Variants in LMLN observed in about 807,000 individuals in gnomAD.
LMLN encodes leishmanolysin like peptidase.
Under a neutral mutation model 92.3 loss-of-function variants are expected in LMLN, and 70 were observed. The observed-to-expected ratio is 0.76, with a 90% CI of 0.63 to 0.92. The LOEUF is 0.92. LMLN is among the 40% of genes least tolerant of loss of function. The probability of loss-of-function intolerance (pLI) is 0.00; values close to 1 mark genes in which losing one functional copy is unlikely to be tolerated. For synonymous variants in LMLN, 308 were observed against 296.2 expected, an observed-to-expected ratio of 1.04 and a Z score of -0.41; for missense variants, 691 against 814.6, an observed-to-expected ratio of 0.85 and a Z score of 1.85.
exon 16 of LMLN, chr3:198,041,693 G>A (rs948325384): frequency 1.3e-5 from 2 of 152,152 alleles, no homozygotes; most frequent in African/African-American, 2.4e-5. Flanking sequence ...TCAAAGCAAA[G>A]AGTCTATTTT....
At chr3:198,000,870 G>T (rs1451108394) in intron 11 of LMLN, among the ~76,000 whole-genome samples, 1 of 152,074 alleles carries the variant, frequency 6.6e-6, no homozygotes, top group Non-Finnish European at 1.5e-5. Flanking sequence ...TACTTACCCT[G>T]ACCACCTACA....
intron 11 of LMLN, among the ~76,000 whole-genome samples, chr3:198,014,696 C>T (rs1384642762): frequency 2.1e-5 from 3 of 144,566 alleles, no homozygotes; most frequent in African/African-American, 7.9e-5. Context: ...TCCTTCAGAG[C>T]CCCCTAACTA....
intron 14 of LMLN, among the ~76,000 whole-genome samples, chr3:198,028,133 G>A (rs1006850865): frequency 6.6e-6 from 1 of 152,018 alleles, no homozygotes; most frequent in Non-Finnish European, 1.5e-5. Flanking sequence ...GGCATTTTTG[G>A]TACAATCGAT....
chr3:198,002,479 T>TATAGATAGATG (rs2109904226), intron 11 of LMLN, among the ~76,000 whole-genome samples: 1 of 152,342 alleles, frequency 6.6e-6, no homozygotes, highest in East Asian at 1.9e-4. Flanking sequence ...GGCTCATACC[T>TATAGATAGATG]GCAATCCCAG....
intron 11 of LMLN, among the ~76,000 whole-genome samples, chr3:198,015,585 C>G (rs1160761561): frequency 1.4e-5 from 2 of 138,196 alleles, no homozygotes; most frequent in Non-Finnish European, 3.1e-5. Context: ...CCTTCAGAGC[C>G]CCCTAACTAG....
chr3:197,962,027 A>G (rs1472968911), intron 1 of LMLN, among the ~76,000 whole-genome samples: 2 of 152,104 alleles, frequency 1.3e-5, no homozygotes, highest in Non-Finnish European at 2.9e-5. Flanking sequence ...AAATTTACAT[A>G]TATTGAAATG....
At chr3:198,005,202 A>G (rs1343801004) in intron 11 of LMLN, among the ~76,000 whole-genome samples, 1 of 13,400 alleles carries the variant, frequency 7.5e-5, no homozygotes, top group African/African-American at 3.4e-4. Context: ...TATATCATCT[A>G]TACAGATACA....
chr3:197,973,386 C>T lies in LMLN; in HGVS notation c.220-991C>T, dbSNP rs575889776. ...CCTCCCAAGTAGCTGGGACTACAGG[C>T]GCCTGCCACCATGCCCGGCTAATTT... On this transcript the variant is annotated intron_variant, in intron 1 of 15. Transcript: ENST00000330198. Among the ~76,000 whole-genome samples the T allele has an allele frequency of 6.6e-5, 10 of 152,056 alleles. No individual in the cohort carries two copies. The South Asian group carries it at 1.2e-3, about 19-fold the overall frequency.
Position 198,031,877 on chromosome 3 carries a change from G to A in LMLN, c.1657-3956G>A, listed in dbSNP as rs970369670. On this transcript the variant is annotated intron_variant, in intron 14 of 15. Transcript: ENST00000330198. This position sits in a 1 kb window ranked among gnomAD's most constrained non-coding sequence, Gnocchi z 4.8. ...AGCACTTTGGGAGCCCGAGACAGGC[G>A]GATCACTTGAGGTCAAGAGTTTGAA... 2.6e-5 allele frequency among the ~76,000 whole-genome samples: 4 copies of A among 151,960 alleles called. No homozygotes were observed. Among genetic ancestry groups the A allele is most frequent in the East Asian group, 1.9e-4 (1 of 5,184 alleles).
rs750549231 is a variant in LMLN, at chr3:197,985,784, T to C, written c.835-12T>C. On this transcript the variant is annotated splice_polypyrimidine_tract_variant and intron_variant, in intron 7 of 15. Coordinates refer to ENST00000330198, the Ensembl canonical transcript of LMLN. ...TTTTTCACTTGAAGACATTTTGAAC[T>C]TTTTCTTACAGGGTTTCTCTGCTGG... The C allele has an allele frequency of 1.3e-6, 2 of 1,598,554 alleles. No individual in the cohort carries two copies. The highest frequency in any genetic ancestry group is 1.7e-5 in the Admixed American group (1 of 59,960).
intron 1 of LMLN, among the ~76,000 whole-genome samples, chr3:197,968,826 A>G (rs1721135295): frequency 1.3e-5 from 2 of 152,220 alleles, no homozygotes; most frequent in African/African-American, 4.8e-5. Flanking sequence ...TAATTAAGCC[A>G]TCTCAGTCTG....
At chr3:198,027,287 C>T (rs928166630) in intron 14 of LMLN, among the ~76,000 whole-genome samples, 4 of 151,926 alleles carry the variant, frequency 2.6e-5, no homozygotes, top group Non-Finnish European at 5.9e-5. Context: ...TACCTTGCCT[C>T]ACTTAACGGC....
chr3:197,975,625 TA>T (rs1721351154), intron 3 of LMLN, among the ~76,000 whole-genome samples: 1 of 152,240 alleles, frequency 6.6e-6, no homozygotes, highest in Admixed American at 6.5e-5. Context: ...TAAACTATCT[TA>T]GTGTTGGAAT....
intron 7 of LMLN, 81 bp from the exon 8 acceptor site, chr3:197,985,715 A>G (rs1721687773): frequency 2.3e-6 from 2 of 874,006 alleles, no homozygotes; most frequent in African/African-American, 1.7e-5. Flanking sequence ...TCCCGTTAGT[A>G]TCAGTGCTCT....
At chr3:198,037,371 A>G (rs1045426235) in intron 15 of LMLN, among the ~76,000 whole-genome samples, 8 of 152,224 alleles carry the variant, frequency 5.3e-5, no homozygotes, top group African/African-American at 1.2e-4. Flanking sequence ...TGCAGTTACA[A>G]TCATAATGAC....
chr3:197,981,514 C>A (rs1269056509), intron 6 of LMLN, among the ~76,000 whole-genome samples: 1 of 152,220 alleles, frequency 6.6e-6, no homozygotes, highest in Admixed American at 6.5e-5. Context: ...AATGACTGTT[C>A]ATCTAATTGT....
At chr3:197,996,137 G>T (rs1382731214) in intron 9 of LMLN, 38 bp from the exon 10 acceptor site, 6 of 1,216,146 alleles carry the variant, frequency 4.9e-6, no homozygotes, top group African/African-American at 1.6e-5. Context: ...CGGTACTTTT[G>T]TACCATATTT....
At chr3:198,016,209 A>C (rs1355642251) in intron 11 of LMLN, among the ~76,000 whole-genome samples, 1 of 151,994 alleles carries the variant, frequency 6.6e-6, no homozygotes, top group Non-Finnish European at 1.5e-5. Flanking sequence ...AAAAAAAAAA[A>C]AAAAGGAAAA....
At chr3:198,030,882 T>C (rs6768029) in intron 14 of LMLN, among the ~76,000 whole-genome samples, 55,542 of 148,414 alleles carry the variant, frequency 0.37, 14,149 homozygotes, top group African/African-American at 0.74. Flanking sequence ...CGGGACTTCA[T>C]CTCTGCCCTC....
Sources: allele counts gnomAD v4.1 joint callset (sites outside exome capture counted in the v4.1 genomes callset), GRCh38; gene constraint gnomAD v4.1.1; non-coding constraint Gnocchi (gnomAD v3.1); transcripts MANE v1.5; gene names NCBI Gene and HGNC (gene_info 2026-07-23, HGNC 2026-07-21).